PCSK6: variants seen among roughly 807,000 people sequenced by gnomAD.
PCSK6 encodes paired basic amino acid cleaving enzyme 4.
PCSK6 carries 85 observed loss-of-function variants against 123.3 expected under a neutral mutation model. That is an observed-to-expected ratio of 0.69 (90% CI 0.58 to 0.83). The LOEUF is 0.83. PCSK6 is among the 40% of genes least tolerant of loss of function. The pLI is 0.00. For missense variants in PCSK6, 1,191 were observed against 1,282.3 expected (o/e 0.93, Z 1.09); for synonymous variants, 508 against 516.0 (o/e 0.98, Z 0.21).
At chr15:101,422,518 T>C (rs1495271) in intron 6 of PCSK6, among the ~76,000 whole-genome samples, 83,690 of 152,038 alleles carry the variant, frequency 0.55, 23,082 homozygotes, top group African/African-American at 0.59. Context: ...CTAGGGCTAA[T>C]GGATTTTCCC....
intron 13 of PCSK6, chr15:101,365,051 G>A: frequency 1.3e-6 from 1 of 763,008 alleles, no homozygotes; most frequent in Middle Eastern, 2.3e-4. Flanking sequence ...TCACCTAATG[G>A]GTAAAGAATG....
chr15:101,351,259 A>G (rs2040883091), intron 13 of PCSK6, among the ~76,000 whole-genome samples: 1 of 152,260 alleles, frequency 6.6e-6, no homozygotes, highest in Non-Finnish European at 1.5e-5. Flanking sequence ...TAAGAAAGTG[A>G]TGGAGAAAGC....
chr15:101,334,672 T>G (rs967269291), intron 13 of PCSK6, among the ~76,000 whole-genome samples: 3 of 152,190 alleles, frequency 2.0e-5, no homozygotes, highest in African/African-American at 7.2e-5. Context: ...GAGGCTATCA[T>G]TTGAGTTGAA....
At chr15:101,309,963 A>G (rs2039816724) in intron 20 of PCSK6, among the ~76,000 whole-genome samples, 1 of 152,176 alleles carries the variant, frequency 6.6e-6, no homozygotes, top group Non-Finnish European at 1.5e-5. Context: ...CCAACCCAGC[A>G]GGCCTGCGTC....
chr15:101,347,662 C>T, intron 13 of PCSK6: 3 of 1,589,274 alleles, frequency 1.9e-6, no homozygotes. Context: ...CTTCCAAAGG[C>T]AGCCAAAGTT....
intron 19 of PCSK6, among the ~76,000 whole-genome samples, chr15:101,316,910 G>GTTTTTTTT (rs57613156): frequency 0.023 from 2,679 of 114,622 alleles, 398 homozygotes; most frequent in African/African-American, 0.087. Flanking sequence ...ACTTAATTCT[G>GTTTTTTTT]TTTTTTTTTT....
chr15:101,426,777 C>T (rs1055490889), intron 6 of PCSK6, among the ~76,000 whole-genome samples: 17 of 96,706 alleles, frequency 1.8e-4, no homozygotes, highest in African/African-American at 5.3e-4. Context: ...GGTGGCAGAA[C>T]GGCAGAAAGT....
At chr15:101,316,910 G>GTTTTTTTTTTTTTTGTTTTTTTTTT (rs2040002479) in intron 19 of PCSK6, among the ~76,000 whole-genome samples, 1 of 114,972 alleles carries the variant, frequency 8.7e-6, no homozygotes, top group African/African-American at 3.9e-5. Context: ...ACTTAATTCT[G>GTTTTTTTTTTTTTTGTTTTTTTTTT]TTTTTTTTTT....
chr15:101,406,218 C>CCA (rs10548867), intron 6 of PCSK6, among the ~76,000 whole-genome samples: 10 of 151,760 alleles, frequency 6.6e-5, no homozygotes, highest in Admixed American at 1.3e-4. Context: ...GCCCACACAC[C>CCA]CACACACACA....
At chr15:101,415,077 T>C (rs1251846151) in intron 6 of PCSK6, among the ~76,000 whole-genome samples, 2 of 152,276 alleles carry the variant, frequency 1.3e-5, no homozygotes, top group African/African-American at 4.8e-5. Context: ...AGATTCATTA[T>C]ACCTTGTAAT....
At chr15:101,417,431 A>G (rs2055927062) in intron 6 of PCSK6, among the ~76,000 whole-genome samples, 2 of 152,266 alleles carry the variant, frequency 1.3e-5, no homozygotes, top group Non-Finnish European at 2.9e-5. Context: ...GAAAATATAC[A>G]GAACATTCTG....
intron 7 of PCSK6, among the ~76,000 whole-genome samples, chr15:101,394,177 G>C (rs562896743): frequency 7.1e-6 from 1 of 141,388 alleles, no homozygotes; most frequent in African/African-American, 2.7e-5. Context: ...GTCTTGCTAC[G>C]TTACCCAGGC....
At chr15:101,445,958 C>A (rs1453054191) in intron 1 of PCSK6, among the ~76,000 whole-genome samples, 1 of 152,246 alleles carries the variant, frequency 6.6e-6, no homozygotes, top group Non-Finnish European at 1.5e-5. Context: ...CCATCCAGCC[C>A]CCTGCCCCGG....
At chr15:101,471,781 T>G (rs1251479619) in intron 1 of PCSK6, among the ~76,000 whole-genome samples, 8 of 152,178 alleles carry the variant, frequency 5.3e-5, no homozygotes, top group African/African-American at 1.9e-4. Context: ...CGCATGTGCC[T>G]TCCCGGTCAA....
At chr15:101,441,691 G>C in intron 2 of PCSK6, among the ~76,000 whole-genome samples, 1 of 152,194 alleles carries the variant, frequency 6.6e-6, no homozygotes, top group East Asian at 1.9e-4. Flanking sequence ...ATGGAAAGAA[G>C]ACCAAGAAAT....
intron 6 of PCSK6, among the ~76,000 whole-genome samples, chr15:101,411,312 G>A (rs1418298329): frequency 1.3e-5 from 2 of 152,154 alleles, no homozygotes; most frequent in Non-Finnish European, 2.9e-5. Flanking sequence ...CAGGCTGAGT[G>A]GGGACAGCAG....
chr15:101,342,129 C>CAAAAAAAAAAA lies in PCSK6; in HGVS notation c.1859-10109_1859-10099dup, dbSNP rs35083182. On this transcript the variant is annotated intron_variant, in intron 13 of 21. Transcript: ENST00000611716. ...TGGGAAACAGAGTAAGACCCTGTCT[C>CAAAAAAAAAAA]AAAAAAAAAAAAAAAAAAAAAAAAG... is the stretch of plus-strand genomic sequence containing the variant. 4.8e-3 allele frequency among the ~76,000 whole-genome samples: 249 copies of CAAAAAAAAAAA among 51,462 alleles called. 8 individuals are homozygous for CAAAAAAAAAAA. The highest frequency in any genetic ancestry group is 0.029 in the Middle Eastern group (2 of 70). The allele number at this position is 51,462 out of a possible 152,430, so 33.8% of individuals were successfully genotyped here.
At chr15:101,438,138 G>A (rs781597698) in intron 2 of PCSK6, among the ~76,000 whole-genome samples, 15 of 152,270 alleles carry the variant, frequency 9.9e-5, no homozygotes, top group Admixed American at 9.8e-4. Context: ...ACGGTTCTGC[G>A]GTTGAAGTCC....
rs1426441833 is a variant in PCSK6 at position 101,384,486 on chromosome 15, A to T, written c.1311-61T>A. The stretch of plus-strand genomic sequence containing the variant: ...CTCAACAACGGCAGCCACACAGGCC[A>T]CTCAGAGGCAGGGGGTCGGCAGCCA... On this transcript the variant is annotated intron_variant, in intron 9 of 21. Coordinates refer to ENST00000611716, the MANE Select transcript of PCSK6 (RefSeq NM_002570.5). 8 of 1,441,176 alleles carry T rather than the reference A, an allele frequency of 5.6e-6. No homozygotes were observed. The Admixed American group carries it at 1.4e-4, about 26-fold the overall frequency. 89.3% of individuals were successfully genotyped at this position (1,441,176 alleles called of 1,614,324 possible).
Sources: gnomAD v4.1 joint callset for allele counts (sites outside exome capture counted in the v4.1 genomes callset) on GRCh38, gnomAD v4.1.1 for gene constraint, MANE v1.5 for transcripts, NCBI Gene and HGNC (gene_info 2026-07-23, HGNC 2026-07-21) for gene names.